LRFN1: variants seen among roughly 807,000 people sequenced by gnomAD.
LRFN1 encodes the protein leucine-rich repeat and fibronectin type III domain-containing protein 1.
Under a neutral mutation model 31.8 loss-of-function variants are expected in LRFN1, and 20 were observed. The ratio of observed to expected loss-of-function variants is 0.63; its 90% confidence interval spans 0.44 to 0.91. The LOEUF is 0.91. Among genes scored for constraint, LRFN1 ranks in the 40% least tolerant of loss-of-function variants. LRFN1 has a pLI of 0.00. For missense variants in LRFN1, 912 were observed against 1,129.8 expected (o/e 0.81, Z 2.76); for synonymous variants, 514 against 541.3 (o/e 0.95, Z 0.70).
chr19:39,314,505 G>C lies in LRFN1; in HGVS notation c.832C>G (p.Pro278Ala). The change falls in exon 4 of 5, where the codon CCC (proline) becomes GCC (alanine). Residue 278 changes from proline (P) to alanine (A), a missense_variant. Around this residue, in one of 2 missense-constraint regions of LRFN1, gnomAD observed 401 missense variants for 572.7 expected, o/e 0.70. Coordinates refer to ENST00000248668, the MANE Select transcript of LRFN1 (RefSeq NM_020862.2). ...REDDLETCATPEHLTDRYFWS... is the reference protein window; with the variant it reads ...REDDLETCATAEHLTDRYFWS... ...AAGTAGCGGTCGGTGAGGTGTTCGGGCGTGGCGCAGGTCTCTAAGTCGTCC... is the reference window on the plus strand; with the variant it reads ...AAGTAGCGGTCGGTGAGGTGTTCGGCCGTGGCGCAGGTCTCTAAGTCGTCC... The C allele has an allele frequency of 1.2e-6, 2 of 1,610,406 alleles. No individual in the cohort carries two copies. The highest frequency in any genetic ancestry group is 1.7e-6 in the Non-Finnish European group (2 of 1,179,092).
At chr19:39,310,345 G>A (rs1267880617) in intron 4 of LRFN1, among the ~76,000 whole-genome samples, 2 of 152,216 alleles carry the variant, frequency 1.3e-5, no homozygotes, top group East Asian at 3.8e-4. Context: ...ATGGTGTGAG[G>A]AATGAATGAG....
chr19:39,313,147 A>C (rs894752293), intron 4 of LRFN1, among the ~76,000 whole-genome samples: 1 of 152,196 alleles, frequency 6.6e-6, no homozygotes, highest in African/African-American at 2.4e-5. Context: ...GGGTGGAAAT[A>C]ACATATTTTT....
Position 39,308,588 on chromosome 19 carries a change from A to C in LRFN1, c.1407-46T>G. 1 of 1,500,748 alleles carries C rather than the reference A, an allele frequency of 6.7e-7. No homozygotes were observed. Among genetic ancestry groups the C allele is most frequent in the South Asian group, 1.3e-5 (1 of 77,788 alleles). The allele number at this position is 1,500,748 out of a possible 1,614,324, so 93.0% of individuals were successfully genotyped here. On this transcript the variant is annotated intron_variant, in intron 4 of 4. Transcript: ENST00000248668. This position sits in a 1 kb window ranked among gnomAD's most constrained non-coding sequence, Gnocchi z 6.2. ...AGGGCGGGGTTAGTCCCCCCGAACC[A>C]CGCCCCTTCGCTTTATGCCCCGCCC...
intron 4 of LRFN1, among the ~76,000 whole-genome samples, chr19:39,309,403 G>A (rs929795913): frequency 9.5e-5 from 13 of 137,220 alleles, no homozygotes; most frequent in African/African-American, 3.0e-4. Context: ...GCAGTGAGCC[G>A]AGACCACATC....
Position 39,312,850 on chromosome 19 carries a change from T to A in LRFN1, c.1406+1081A>T, listed in dbSNP as rs572814126. ...AAAAAACTACTGAGATGGAGAGACA[T>A]GGCAAGGCCAGGACTGCAACTCATA... On this transcript the variant is annotated intron_variant, in intron 4 of 4. Transcript: ENST00000248668. Among the ~76,000 whole-genome samples, 3 of 149,798 alleles carry A rather than the reference T, an allele frequency of 2.0e-5. No homozygotes were observed. In the South Asian group the frequency reaches 6.4e-4, roughly 32 times the overall value.
rs2075139513 is a variant in LRFN1, at chr19:39,308,581, C to T, written c.1407-39G>A. 2.6e-6 allele frequency: 4 copies of T among 1,514,062 alleles called. No homozygotes were observed. Among genetic ancestry groups the T allele is most frequent in the Admixed American group, 2.0e-5 (1 of 50,356 alleles). 93.8% of individuals were successfully genotyped at this position (1,514,062 alleles called of 1,614,324 possible). A position where few individuals can be genotyped will look rare whatever the true frequency, so the allele number is the denominator to read the frequency against. On this transcript the variant is annotated intron_variant, in intron 4 of 4. Coordinates refer to ENST00000248668, the MANE Select transcript of LRFN1 (RefSeq NM_020862.2). This position sits in a 1 kb window ranked among gnomAD's most constrained non-coding sequence, Gnocchi z 6.2. Reference sequence around the variant, plus strand: ...CGGGTTCAGGGCGGGGTTAGTCCCCCCGAACCACGCCCCTTCGCTTTATGC... The same window carrying T: ...CGGGTTCAGGGCGGGGTTAGTCCCCTCGAACCACGCCCCTTCGCTTTATGC...
In LRFN1 at chr19:39,307,051, G is replaced by A. The variant is rs1408390152; in HGVS notation, c.*582C>T. The stretch of plus-strand genomic sequence containing the variant: ...GACGACAGGACAGAGAGAAAGGAGA[G>A]GCAAATAGGGAAAGACAGGCACTAC... On this transcript the variant is annotated 3_prime_UTR_variant, in exon 5 of 5. Transcript: ENST00000248668. This position sits in a 1 kb window ranked among gnomAD's most constrained non-coding sequence, Gnocchi z 6.7. 1 of 368,852 alleles carries A rather than the reference G, an allele frequency of 2.7e-6. No individual in the cohort carries two copies. The highest frequency in any genetic ancestry group is 4.8e-6 in the Non-Finnish European group (1 of 207,478). 22.8% of individuals were successfully genotyped at this position (368,852 alleles called of 1,614,324 possible).
intron 4 of LRFN1, among the ~76,000 whole-genome samples, chr19:39,312,797 T>C (rs946194203): frequency 3.2e-4 from 39 of 123,222 alleles, no homozygotes; most frequent in African/African-American, 1.6e-3. Context: ...AGCAAGACCC[T>C]GCCAAAAAAA....
rs1023018556 is a variant in LRFN1 at position 39,314,124 on chromosome 19, C to T, written c.1213G>A (p.Glu405Lys). 6.2e-6 allele frequency: 10 copies of T among 1,611,638 alleles called. No homozygotes were observed. The highest frequency in any genetic ancestry group is 5.0e-5 in the Admixed American group (3 of 59,868). ...GTGGCGATGTCAGAGGAGCCGGGCT[C>T]GGTGAGAGGCGGCGGGGCAGCCGGC... ...PPPAAPPPLT[E>K]PGSSDIATPG... is the part of the protein sequence containing the mutation. The change falls in exon 4 of 5, where the codon GAG becomes AAG. Residue 405 changes from glutamate (E) to lysine (K), a missense_variant. Coordinates refer to ENST00000248668, the MANE Select transcript of LRFN1 (RefSeq NM_020862.2).
At chr19:39,320,635 G>A (rs2075185740) in intron 1 of LRFN1, among the ~76,000 whole-genome samples, 158 bp downstream of exon 1, 1 of 151,246 alleles carries the variant, frequency 6.6e-6, no homozygotes, top group South Asian at 2.1e-4. Flanking sequence ...CGGGCAGGGC[G>A]CCGCACACGC....
At position 39,308,287 on chromosome 19, in the gene LRFN1, C is replaced by T. The variant is rs1195819403; in HGVS notation, c.1662G>A (p.Leu554=). ...CATACACCTTATAGCGGATCATGAG[C>T]AGAACGATGAAGACGAGGACCGAGG... ...IVASVLVFIV[L]LMIRYKVYGD... is the part of the protein sequence containing the mutation. The change falls in exon 5 of 5, where the codon CTG becomes CTA. Residue 554 remains leucine, a synonymous_variant. Transcript: ENST00000248668. The surrounding 1 kb of genome is among the most constrained non-coding windows in gnomAD (Gnocchi z 6.2). The T allele has an allele frequency of 6.2e-7, 1 of 1,613,366 alleles. No individual in the cohort carries two copies. The highest frequency in any genetic ancestry group is 2.2e-5 in the East Asian group (1 of 44,854).
Position 39,315,378 on chromosome 19 carries a change from C to T in LRFN1, c.-37-5G>A, listed in dbSNP as rs773630821. On this transcript the variant is annotated splice_region_variant and splice_polypyrimidine_tract_variant and intron_variant, in intron 3 of 4. Coordinates refer to ENST00000248668, the MANE Select transcript of LRFN1 (RefSeq NM_020862.2). This position sits in a 1 kb window ranked among gnomAD's most constrained non-coding sequence, Gnocchi z 4.7. Reference sequence around the variant, plus strand: ...AGGAGGGGTGGGAGGTGAGACCTGCCGGGGAAGGAGCCGGTTACCCAGGCG... The same window carrying T: ...AGGAGGGGTGGGAGGTGAGACCTGCTGGGGAAGGAGCCGGTTACCCAGGCG... The T allele has an allele frequency of 1.4e-4, 196 of 1,420,992 alleles. 1 individual carries two copies. The Middle Eastern group carries it at 1.8e-3, about 13-fold the overall frequency. 88.0% of individuals were successfully genotyped at this position (1,420,992 alleles called of 1,614,324 possible). A position where few individuals can be genotyped will look rare whatever the true frequency, so the allele number is the denominator to read the frequency against.
intron 1 of LRFN1, among the ~76,000 whole-genome samples, chr19:39,320,541 G>T (rs2075185367): frequency 6.6e-6 from 1 of 151,974 alleles, no homozygotes; most frequent in African/African-American, 2.4e-5. Context: ...CACACAGCCG[G>T]AGGGGCGGCC....
Position 39,314,224 on chromosome 19 carries a change from G to C in LRFN1, c.1113C>G (p.Ile371Met). The change falls in exon 4 of 5, where the codon ATC becomes ATG. Residue 371 changes from isoleucine (I) to methionine (M), a missense_variant. By Grantham distance (10) the Ile-to-Met change is conservative. Transcript: ENST00000248668. ...TCGCTTCCCCAGCAGCATTGGAGGCGATACAAGTGAAGGTGCCACTGTCCC... is the reference window on the plus strand; with the variant it reads ...TCGCTTCCCCAGCAGCATTGGAGGCCATACAAGTGAAGGTGCCACTGTCCC... ...TLRDSGTFTCIASNAAGEATA... is the reference protein window; with the variant it reads ...TLRDSGTFTCMASNAAGEATA... 6.2e-7 allele frequency: 1 copy of C among 1,613,314 alleles called. No individual in the cohort carries two copies. The highest frequency in any genetic ancestry group is 8.5e-7 in the Non-Finnish European group (1 of 1,179,684).
In LRFN1 at chr19:39,320,802, G is replaced by C. The variant is rs2075186410; in HGVS notation, c.-135C>G. ...TGCAGGCCGCGCTCACCCAGCCCGGGGGGGCCCCGGGCCCGGCCCCGCCGC... is the reference window on the plus strand; with the variant it reads ...TGCAGGCCGCGCTCACCCAGCCCGGCGGGGCCCCGGGCCCGGCCCCGCCGC... On this transcript the variant is annotated 5_prime_UTR_variant, in exon 1 of 5. Transcript: ENST00000248668. The C allele has an allele frequency of 6.8e-6, 1 of 146,502 alleles. No individual in the cohort carries two copies. The highest frequency in any genetic ancestry group is 6.8e-5 in the Admixed American group (1 of 14,732). 9.1% of individuals were successfully genotyped at this position (146,502 alleles called of 1,614,324 possible).
rs1821087232 is a variant in LRFN1 at position 39,315,266 on chromosome 19, A to G, written c.71T>C (p.Leu24Pro). The G allele has an allele frequency of 6.5e-7, 1 of 1,530,852 alleles. No homozygotes were observed. The highest frequency in any genetic ancestry group is 8.7e-7 in the Non-Finnish European group (1 of 1,143,766). The allele number at this position is 1,530,852 out of a possible 1,614,324, so 94.8% of individuals were successfully genotyped here. The stretch of plus-strand genomic sequence containing the variant: ...CTGGCCACGAGATGCCCCCGCCCAG[A>G]GCAGCAGCAGAAAGGGCAGGGCAGC... ...PPAALPFLLL[L>P]WAGASRGQPC... The change falls in exon 4 of 5, where the codon CTC becomes CCC. Residue 24 changes from leucine to proline, a missense_variant. Transcript: ENST00000248668. The surrounding 1 kb of genome is among the most constrained non-coding windows in gnomAD (Gnocchi z 4.7).
intron 2 of LRFN1, among the ~76,000 whole-genome samples, chr19:39,316,733 C>T (rs1040043366): frequency 3.3e-5 from 5 of 152,200 alleles, no homozygotes; most frequent in African/African-American, 9.7e-5. Context: ...CACACACTCA[C>T]GCTATGTCTC....
At position 39,306,983 on chromosome 19, in the gene LRFN1, G is replaced by A. The variant is rs1291363045; in HGVS notation, c.*650C>T. On this transcript the variant is annotated 3_prime_UTR_variant, in exon 5 of 5. Coordinates refer to ENST00000248668, the MANE Select transcript of LRFN1 (RefSeq NM_020862.2). Reference sequence around the variant, plus strand: ...TGAGTAAAGAGAAGAAATCAGGAGAGACAGGGAGACTAGACAAAACCAGGG... The same window carrying A: ...TGAGTAAAGAGAAGAAATCAGGAGAAACAGGGAGACTAGACAAAACCAGGG... 1.6e-5 allele frequency: 4 copies of A among 249,666 alleles called. No individual in the cohort carries two copies. Among genetic ancestry groups the A allele is most frequent in the Non-Finnish European group, 3.0e-5 (4 of 131,812 alleles). The allele number at this position is 249,666 out of a possible 1,614,324, so 15.5% of individuals were successfully genotyped here.
chr19:39,308,410 T>A lies in LRFN1; in HGVS notation c.1539A>T (p.Val513=). ...CCGGATCCCCAGCGGTGGTGAACTG[T>A]ACACAGCCCACCACTCGCGTTGCCG... ...ALPATRVVGC[V]QFTTAGDPAP... The change falls in exon 5 of 5, where the codon GTA becomes GTT. Residue 513 remains valine, a synonymous_variant. Coordinates refer to ENST00000248668, the MANE Select transcript of LRFN1 (RefSeq NM_020862.2). The surrounding 1 kb of genome is among the most constrained non-coding windows in gnomAD (Gnocchi z 6.2). The A allele has an allele frequency of 1.2e-6, 2 of 1,611,454 alleles. No homozygotes were observed. Among genetic ancestry groups the A allele is most frequent in the Non-Finnish European group, 1.7e-6 (2 of 1,179,370 alleles).
Sources: allele counts gnomAD v4.1 joint callset (sites outside exome capture counted in the v4.1 genomes callset), GRCh38; gene constraint gnomAD v4.1.1; regional missense constraint gnomAD v4.1.1; non-coding constraint Gnocchi (gnomAD v3.1); transcripts MANE v1.5; gene names NCBI Gene and HGNC (gene_info 2026-07-23, HGNC 2026-07-21).